XKR4: variants seen among roughly 807,000 people sequenced by gnomAD.
XKR4 encodes the protein XK-related protein 4.
In XKR4, 12 loss-of-function variants were observed where a neutral mutation model predicts 53.9. The observed-to-expected ratio is 0.22, with a 90% confidence interval of 0.14 to 0.36. The LOEUF is 0.36. Ranked by LOEUF, XKR4 falls within the 10% of genes least tolerant of loss-of-function variation. The pLI is 1.00. For synonymous variants in XKR4, 354 were observed against 362.4 expected (o/e 0.98, Z 0.26); for missense variants, 799 against 859.5 (o/e 0.93, Z 0.88).
intron 1 of XKR4, among the ~76,000 whole-genome samples, chr8:55,212,987 C>T (rs891963907): frequency 2.6e-5 from 4 of 152,166 alleles, no homozygotes; most frequent in African/African-American, 9.7e-5. Flanking sequence ...GTATTATTAT[C>T]TTTAAAGCAA....
intron 2 of XKR4, among the ~76,000 whole-genome samples, chr8:55,375,275 G>A (rs116752972): frequency 0.011 from 1,708 of 152,282 alleles, 15 homozygotes; most frequent in African/African-American, 0.025. Context: ...ATCTGACAAC[G>A]GAGCGTGCAC....
At chr8:55,417,279 C>T (rs1029978138) in intron 2 of XKR4, among the ~76,000 whole-genome samples, 11 of 152,224 alleles carry the variant, frequency 7.2e-5, no homozygotes, top group African/African-American at 2.7e-4. Flanking sequence ...ACAGCCCATT[C>T]TGCACCCAGC....
chr8:55,453,358 A>G (rs1422251942), intron 2 of XKR4: 1 of 465,944 alleles, frequency 2.1e-6, no homozygotes, highest in Non-Finnish European at 4.4e-6. Context: ...TCTGTTGCAC[A>G]TGCAGGTACA....
intron 2 of XKR4, among the ~76,000 whole-genome samples, chr8:55,379,359 T>C (rs1042250809): frequency 3.3e-5 from 5 of 152,162 alleles, no homozygotes; most frequent in African/African-American, 7.2e-5. Context: ...TACAAAAAAA[T>C]ACCTCTACTT....
At chr8:55,202,320 G>A (rs750980277) in intron 1 of XKR4, among the ~76,000 whole-genome samples, 2 of 152,188 alleles carry the variant, frequency 1.3e-5, no homozygotes, top group South Asian at 4.1e-4. Context: ...GATAACTACC[G>A]AGGGAGGCTG....
At chr8:55,303,592 C>T (rs1426986311) in intron 1 of XKR4, among the ~76,000 whole-genome samples, 1 of 152,160 alleles carries the variant, frequency 6.6e-6, no homozygotes, top group African/African-American at 2.4e-5. Flanking sequence ...CTCGTTGTAC[C>T]TCTGGTAGAA....
chr8:55,187,112 A>G (rs1817389136), intron 1 of XKR4, among the ~76,000 whole-genome samples: 3 of 152,014 alleles, frequency 2.0e-5, no homozygotes, highest in Admixed American at 2.0e-4. Context: ...CAGCCTTGAC[A>G]TTCTCAATTT....
chr8:55,451,407 C>A, intron 2 of XKR4: 1 of 962,714 alleles, frequency 1.0e-6, no homozygotes, highest in Non-Finnish European at 1.6e-6. Flanking sequence ...TGCGTCCGGA[C>A]GCACTGGAGT....
At chr8:55,294,777 T>C (rs964021434) in intron 1 of XKR4, among the ~76,000 whole-genome samples, 2 of 152,204 alleles carry the variant, frequency 1.3e-5, no homozygotes, top group African/African-American at 2.4e-5. Flanking sequence ...TTTGGTTACT[T>C]AATAGGTGAG....
At chr8:55,502,602 G>A (rs1043480713) in intron 2 of XKR4, among the ~76,000 whole-genome samples, 4 of 126,980 alleles carry the variant, frequency 3.2e-5, no homozygotes, top group African/African-American at 1.5e-4. Context: ...TTGTTATTGA[G>A]TTATAGTTTT....
chr8:55,386,155 G>A (rs1773744257), intron 2 of XKR4, among the ~76,000 whole-genome samples: 1 of 152,148 alleles, frequency 6.6e-6, no homozygotes, highest in Non-Finnish European at 1.5e-5. Context: ...ACCATGATCT[G>A]AAACATCCAT....
intron 2 of XKR4, among the ~76,000 whole-genome samples, chr8:55,374,584 A>G (rs1031530361): frequency 1.3e-5 from 2 of 152,210 alleles, no homozygotes; most frequent in Non-Finnish European, 2.9e-5. Context: ...AGAGAAGAAA[A>G]TAAGAGAGAG....
At chr8:55,374,544 C>T (rs796080328) in intron 2 of XKR4, among the ~76,000 whole-genome samples, 1 of 152,252 alleles carries the variant, frequency 6.6e-6, no homozygotes. Flanking sequence ...AAGTGAACCA[C>T]CATTTAAGGG....
intron 2 of XKR4, among the ~76,000 whole-genome samples, chr8:55,379,628 T>C (rs1003837707): frequency 5.3e-5 from 8 of 152,224 alleles, no homozygotes; most frequent in African/African-American, 1.9e-4. Context: ...CACTTGTTCT[T>C]CAGATTTGTA....
At chr8:55,334,282 A>G (rs956314298) in intron 1 of XKR4, among the ~76,000 whole-genome samples, 2 of 152,170 alleles carry the variant, frequency 1.3e-5, no homozygotes, top group African/African-American at 4.8e-5. Context: ...TGACTTCACA[A>G]ATACATTTAT....
intron 2 of XKR4, among the ~76,000 whole-genome samples, chr8:55,367,569 C>A (rs185130271): frequency 2.4e-4 from 37 of 152,286 alleles, no homozygotes; most frequent in African/African-American, 8.7e-4. Flanking sequence ...TTCCAAAGTG[C>A]TGGGACCAAT....
intron 2 of XKR4, among the ~76,000 whole-genome samples, chr8:55,406,147 C>A (rs1563342406): frequency 6.6e-6 from 1 of 152,104 alleles, no homozygotes; most frequent in Non-Finnish European, 1.5e-5. Flanking sequence ...AGTAATAAGA[C>A]TTGTAAAATT....
At chr8:55,110,855 C>T (rs530712543) in intron 1 of XKR4, among the ~76,000 whole-genome samples, 1 of 152,144 alleles carries the variant, frequency 6.6e-6, no homozygotes, top group Admixed American at 6.6e-5. Context: ...GTTACTACCA[C>T]CACCATCATC....
In XKR4 at chr8:55,131,224, C is replaced by G. The variant is rs377507728; in HGVS notation, c.806+27930C>G. Among the ~76,000 whole-genome samples the G allele has an allele frequency of 8.6e-5, 13 of 151,994 alleles. No homozygotes were observed. The East Asian group carries it at 9.6e-4, about 11-fold the overall frequency. Reference sequence around the variant, plus strand: ...GAGCCACGCCTCAAATCCATTACATCACAATCAGATTTTGCATTTTAATGT... The same window carrying G: ...GAGCCACGCCTCAAATCCATTACATGACAATCAGATTTTGCATTTTAATGT... On this transcript the variant is annotated intron_variant, in intron 1 of 2. Transcript: ENST00000327381.
Sources: allele counts gnomAD v4.1 joint callset (sites outside exome capture counted in the v4.1 genomes callset), GRCh38; gene constraint gnomAD v4.1.1; transcripts MANE v1.5; gene names NCBI Gene and HGNC (gene_info 2026-07-23, HGNC 2026-07-21).